GAP43: variants seen among roughly 807,000 people sequenced by gnomAD.
GAP43 encodes growth associated protein 43.
GAP43 carries 6 observed loss-of-function variants against 18.6 expected under a neutral mutation model. The ratio of observed to expected loss-of-function variants is 0.32; its 90% CI spans 0.18 to 0.64. GAP43 has a LOEUF of 0.64. Among genes scored for constraint, GAP43 ranks in the 30% least tolerant of loss-of-function variants. The pLI, the probability that GAP43 is intolerant of heterozygous loss-of-function variation, is 0.78. For synonymous variants in GAP43, 115 were observed against 111.4 expected, an observed-to-expected ratio of 1.03 and a Z score of -0.20; for missense variants, 292 against 295.5, an observed-to-expected ratio of 0.99 and a Z score of 0.09.
intron 1 of GAP43, among the ~76,000 whole-genome samples, chr3:115,631,865 C>A (rs776052423): frequency 9.9e-5 from 15 of 152,176 alleles, no homozygotes; most frequent in Non-Finnish European, 1.6e-4. Context: ...AAGTGATCCA[C>A]CCACCTCGGC....
intron 1 of GAP43, among the ~76,000 whole-genome samples, chr3:115,656,295 G>GT (rs1232363770): frequency 4.6e-4 from 70 of 152,292 alleles, no homozygotes; most frequent in African/African-American, 1.5e-3. Flanking sequence ...AGAGGTAATG[G>GT]GGTAGAAATA....
rs1032925322 is a variant in GAP43, at chr3:115,644,334, A to G, written c.30+20615A>G. ...GAGTGATTATTGTATTTTACCTGAT[A>G]GTTTTTGGACAGGACTATCAGGGTG... On this transcript the variant is annotated intron_variant, in intron 1 of 2. Coordinates refer to ENST00000305124, the MANE Select transcript of GAP43 (RefSeq NM_002045.4). This position sits in a 1 kb window ranked among gnomAD's most constrained non-coding sequence, Gnocchi z 4.2. Among the ~76,000 whole-genome samples the G allele has an allele frequency of 1.3e-5, 2 of 152,026 alleles. No homozygotes were observed. The highest frequency in any genetic ancestry group is 2.9e-5 in the Non-Finnish European group (2 of 67,970).
chr3:115,683,010 T>C (rs1708975303), intron 2 of GAP43, among the ~76,000 whole-genome samples: 1 of 152,210 alleles, frequency 6.6e-6, no homozygotes. Context: ...CCCCCAATTT[T>C]AAAGTTGTGA....
intron 1 of GAP43, among the ~76,000 whole-genome samples, chr3:115,646,253 A>C (rs1392033014): frequency 6.6e-6 from 1 of 152,042 alleles, no homozygotes; most frequent in Non-Finnish European, 1.5e-5. Flanking sequence ...TCCTGCAAGC[A>C]ACTCTGCCTA....
chr3:115,642,314 T>C (rs1708407428), intron 1 of GAP43, among the ~76,000 whole-genome samples: 1 of 152,036 alleles, frequency 6.6e-6, no homozygotes, highest in Non-Finnish European at 1.5e-5. Flanking sequence ...ATATCTCCTC[T>C]AATATTATAT....
chr3:115,643,918 A>T (rs906499008), intron 1 of GAP43, among the ~76,000 whole-genome samples: 1 of 152,074 alleles, frequency 6.6e-6, no homozygotes, highest in African/African-American at 2.4e-5. Flanking sequence ...ATATGAATGC[A>T]CTTAAATTAT....
intron 2 of GAP43, among the ~76,000 whole-genome samples, chr3:115,719,217 T>A (rs1476678193): frequency 6.6e-6 from 1 of 151,712 alleles, no homozygotes; most frequent in African/African-American, 2.4e-5. Context: ...GGACAAGCAA[T>A]AACAATAGCT....
At chr3:115,657,019 C>G (rs1708592907) in intron 1 of GAP43, among the ~76,000 whole-genome samples, 1 of 152,162 alleles carries the variant, frequency 6.6e-6, no homozygotes, top group African/African-American at 2.4e-5. Flanking sequence ...TGGTAGCCCA[C>G]CCTCAACAGT....
chr3:115,666,033 G>GT (rs1406585181), intron 1 of GAP43, among the ~76,000 whole-genome samples: 12 of 141,952 alleles, frequency 8.5e-5, no homozygotes, highest in Non-Finnish European at 1.5e-4. Context: ...TGTGTGTGTG[G>GT]TTGGGGGATG....
chr3:115,709,655 C>G (rs577610096), intron 2 of GAP43, among the ~76,000 whole-genome samples: 5 of 152,076 alleles, frequency 3.3e-5, no homozygotes, highest in Non-Finnish European at 7.4e-5. Flanking sequence ...GCTAATGAAC[C>G]AAATCATAAA....
At chr3:115,641,642 G>C (rs1442848013) in intron 1 of GAP43, among the ~76,000 whole-genome samples, 1 of 151,732 alleles carries the variant, frequency 6.6e-6, no homozygotes, top group Non-Finnish European at 1.5e-5. Context: ...TGCACATACT[G>C]GGTCCACAGT....
At chr3:115,661,621 C>T (rs538796232) in intron 1 of GAP43, among the ~76,000 whole-genome samples, 4 of 151,850 alleles carry the variant, frequency 2.6e-5, no homozygotes, top group South Asian at 2.1e-4. Context: ...CCCGAGTAGC[C>T]GGGACTACAG....
Position 115,676,142 on chromosome 3 carries a change from G to A in GAP43, c.160G>A (p.Glu54Lys), listed in dbSNP as rs767522147. 2 of 1,614,152 alleles carry A rather than the reference G, an allele frequency of 1.2e-6. No homozygotes were observed. Among genetic ancestry groups the A allele is most frequent in the Admixed American group, 3.3e-5 (2 of 60,016 alleles). The change falls in exon 2 of 3, where the codon GAG becomes AAG. Residue 54 changes from glutamate to lysine, a missense_variant. Physicochemically the swap from Glu to Lys is moderately conservative, Grantham distance 56. Coordinates refer to ENST00000305124, the MANE Select transcript of GAP43 (RefSeq NM_002045.4). ...GHITRKKLKGEKKDDVQAAEA... is the reference protein window; with the variant it reads ...GHITRKKLKGKKKDDVQAAEA... ...CATAACAAGGAAAAAGCTCAAAGGA[G>A]AGAAGAAGGATGATGTCCAAGCTGC...
At chr3:115,659,524 G>A (rs1483106013) in intron 1 of GAP43, among the ~76,000 whole-genome samples, 2 of 152,138 alleles carry the variant, frequency 1.3e-5, no homozygotes, top group Admixed American at 6.5e-5. Flanking sequence ...TAATGTGAAT[G>A]AACATTAAAC....
At chr3:115,718,969 T>C (rs1294528256) in intron 2 of GAP43, among the ~76,000 whole-genome samples, 1 of 152,236 alleles carries the variant, frequency 6.6e-6, no homozygotes, top group Non-Finnish European at 1.5e-5. Context: ...GCTCTTTTAA[T>C]GGTCTCCTTA....
intron 1 of GAP43, among the ~76,000 whole-genome samples, chr3:115,627,105 T>G (rs535071230): frequency 2.7e-5 from 4 of 149,546 alleles, no homozygotes; most frequent in African/African-American, 9.8e-5. Flanking sequence ...AAAAAATATT[T>G]GAAGGGCATT....
At chr3:115,664,372 A>AT (rs1708705593) in intron 1 of GAP43, among the ~76,000 whole-genome samples, 1 of 152,092 alleles carries the variant, frequency 6.6e-6, no homozygotes, top group Non-Finnish European at 1.5e-5. Flanking sequence ...AATTCACTCA[A>AT]TCCCCAGTCT....
At chr3:115,706,043 G>A (rs1709359156) in intron 2 of GAP43, among the ~76,000 whole-genome samples, 1 of 152,078 alleles carries the variant, frequency 6.6e-6, no homozygotes, top group South Asian at 2.1e-4. Context: ...CCCTATTTGA[G>A]AACGCCCAGA....
intron 2 of GAP43, among the ~76,000 whole-genome samples, chr3:115,700,296 A>G (rs1709281403): frequency 6.6e-6 from 1 of 152,180 alleles, no homozygotes; most frequent in Non-Finnish European, 1.5e-5. Flanking sequence ...AGCCTGGCCA[A>G]TATGAATAAT....
Sources: allele counts gnomAD v4.1 joint callset (sites outside exome capture counted in the v4.1 genomes callset), GRCh38; gene constraint gnomAD v4.1.1; non-coding constraint Gnocchi (gnomAD v3.1); transcripts MANE v1.5; gene names NCBI Gene and HGNC (gene_info 2026-07-23, HGNC 2026-07-21).